Variants in DMD observed in about 807,000 individuals in gnomAD.
The protein encoded by DMD is dystrophin.
Under a neutral mutation model 330.1 loss-of-function variants are expected in DMD, and 63 were observed. The ratio of observed to expected loss-of-function variants is 0.19; its 90% confidence interval spans 0.16 to 0.24. The LOEUF is 0.24. DMD is among the 10% of genes least tolerant of loss of function. DMD has a pLI of 1.00. For synonymous variants in DMD, 1,223 were observed against 959.8 expected, an observed-to-expected ratio of 1.27 and a Z score of -5.07; for missense variants, 3,344 against 2,684.1, an observed-to-expected ratio of 1.25 and a Z score of -5.43.
At chrX:32,011,814 ACT>A (rs765212412) in intron 44 of DMD, among the ~76,000 whole-genome samples, 2 of 110,883 alleles carry the variant, frequency 1.8e-5, no homozygotes, top group Non-Finnish European at 3.8e-5. Flanking sequence ...GCTTCTCAGG[ACT>A]CTCATCACCT....
chrX:31,422,028 C>CACATAT (rs1556630664), intron 60 of DMD, among the ~76,000 whole-genome samples: 1 of 5,858 alleles, frequency 1.7e-4, no homozygotes, highest in African/African-American at 3.0e-4. Flanking sequence ...AACACACACA[C>CACATAT]ATATATATAT....
At chrX:33,260,498 C>G (rs1603426231) in intron 1 of DMD, among the ~76,000 whole-genome samples, 1 of 110,370 alleles carries the variant, frequency 9.1e-6, no homozygotes, top group East Asian at 2.9e-4. Context: ...TTAGCGAAGA[C>G]AAGAGAAAAA....
chrX:32,859,681 C>T (rs7053830), intron 2 of DMD, among the ~76,000 whole-genome samples: 16,238 of 110,867 alleles, frequency 0.15, 1,057 homozygotes, highest in Admixed American at 0.25. Context: ...AGAGGATGCA[C>T]TTAGAAACTT....
chrX:32,596,059 T>C (rs1351514259), intron 12 of DMD, among the ~76,000 whole-genome samples, 183 bp from the exon 13 acceptor site: 3 of 111,926 alleles, frequency 2.7e-5, no homozygotes, highest in Non-Finnish European at 5.6e-5. Flanking sequence ...TATGTTCTAT[T>C]GTTAATTTAA....
At chrX:32,751,027 ACTCT>A (rs2070743371) in intron 7 of DMD, among the ~76,000 whole-genome samples, 1 of 111,207 alleles carries the variant, frequency 9.0e-6, no homozygotes, top group Admixed American at 9.6e-5. Flanking sequence ...GCTACGTGGA[ACTCT>A]AAGTCCATTA....
chrX:31,178,349 G>A, intron 70 of DMD: 2 of 961,635 alleles, frequency 2.1e-6, no homozygotes, highest in Admixed American at 4.9e-5. Context: ...AAATCAAAAT[G>A]AAATACTGGA....
At chrX:31,749,958 G>C (rs1487390071) in intron 51 of DMD, among the ~76,000 whole-genome samples, 2 of 107,590 alleles carry the variant, frequency 1.9e-5, no homozygotes, top group East Asian at 6.0e-4. Flanking sequence ...AGAAGTGTCT[G>C]TTCATGTCCT....
chrX:31,941,548 G>A (rs1257050233), intron 45 of DMD, among the ~76,000 whole-genome samples: 1 of 111,286 alleles, frequency 9.0e-6, no homozygotes, highest in Non-Finnish European at 1.9e-5. Flanking sequence ...TTCTCATTCT[G>A]ATTTCAACTT....
intron 45 of DMD, among the ~76,000 whole-genome samples, chrX:31,947,789 C>T (rs1316421081): frequency 7.2e-5 from 8 of 111,062 alleles, no homozygotes; most frequent in African/African-American, 1.6e-4. Context: ...ATCAAGGTAA[C>T]CAAGTATATG....
chrX:31,205,927 C>T (rs2044015791), intron 66 of DMD, among the ~76,000 whole-genome samples: 1 of 112,553 alleles, frequency 8.9e-6, no homozygotes, highest in Admixed American at 9.4e-5. Context: ...CCAACTGCAG[C>T]CTTTCACAAT....
At chrX:31,976,891 G>A (rs192697606) in intron 44 of DMD, among the ~76,000 whole-genome samples, 42 of 111,643 alleles carry the variant, frequency 3.8e-4, no homozygotes, top group Admixed American at 1.3e-3. Flanking sequence ...TAGTGTGACT[G>A]ACTCCAACAA....
chrX:32,757,484 G>C (rs1376138755), intron 7 of DMD, among the ~76,000 whole-genome samples: 2 of 111,173 alleles, frequency 1.8e-5, no homozygotes, highest in Non-Finnish European at 3.8e-5. Context: ...TTGAATTGTA[G>C]CTCCCGTAAT....
chrX:32,531,636 C>A (rs2047486603), intron 17 of DMD, among the ~76,000 whole-genome samples: 1 of 111,310 alleles, frequency 9.0e-6, no homozygotes, highest in Admixed American at 9.6e-5. Flanking sequence ...AGTTGAAGAT[C>A]TTCATTTAGT....
chrX:33,213,755 A>T (rs145117029), upstream of DMD, among the ~76,000 whole-genome samples: 301 of 112,134 alleles, frequency 2.7e-3, no homozygotes, highest in African/African-American at 9.1e-3. Flanking sequence ...CAATAACTAC[A>T]ATTCAGTATC....
chrX:32,307,949 ACAAT>A (rs1377688303), intron 42 of DMD, among the ~76,000 whole-genome samples: 1 of 111,044 alleles, frequency 9.0e-6, no homozygotes, highest in Non-Finnish European at 1.9e-5. Flanking sequence ...ATAAGCAATC[ACAAT>A]CAATTAACTG....
chrX:32,536,763 T>C (rs759333157), intron 17 of DMD, among the ~76,000 whole-genome samples: 3 of 111,559 alleles, frequency 2.7e-5, no homozygotes, highest in Non-Finnish European at 5.6e-5. Flanking sequence ...GTATTTTTTT[T>C]AAAAAAGGAG....
At chrX:32,491,988 A>T (rs1281078191) in intron 19 of DMD, among the ~76,000 whole-genome samples, 1 of 111,602 alleles carries the variant, frequency 9.0e-6, no homozygotes, top group Non-Finnish European at 1.9e-5. Flanking sequence ...TCATAGTTTT[A>T]AAAAGAGGAA....
chrX:32,083,959 T>C (rs1603624431), intron 44 of DMD, among the ~76,000 whole-genome samples: 1 of 112,734 alleles, frequency 8.9e-6, no homozygotes, highest in East Asian at 2.8e-4. Flanking sequence ...ATAAACCTGC[T>C]TTATTCTCTC....
chrX:33,123,362 G>A (rs1230515526), intron 1 of DMD, among the ~76,000 whole-genome samples: 4 of 111,921 alleles, frequency 3.6e-5, no homozygotes, highest in Non-Finnish European at 7.5e-5. Flanking sequence ...TCAGAAAACT[G>A]AAAAGGTAAA....
Sources: gnomAD v4.1 joint callset for allele counts (sites outside exome capture counted in the v4.1 genomes callset) on GRCh38, gnomAD v4.1.1 for gene constraint, MANE v1.5 for transcripts, NCBI Gene and HGNC (gene_info 2026-07-23, HGNC 2026-07-21) for gene names.